Variants in SSPN observed in about 807,000 individuals in gnomAD.
The protein encoded by SSPN is sarcospan, also known as K-ras oncogene-associated protein.
In SSPN, 15 loss-of-function variants were observed where a neutral mutation model predicts 19.1. That is an observed-to-expected ratio of 0.78 (90% CI 0.52 to 1.21). The LOEUF (loss-of-function observed/expected upper bound fraction) is 1.21, where lower values mean the gene tolerates loss of function less well. Among genes scored for constraint, SSPN ranks in the 50% most tolerant of loss-of-function variants. The pLI is 0.00. For synonymous variants in SSPN, 147 were observed against 140.3 expected, an observed-to-expected ratio of 1.05 and a Z score of -0.34; for missense variants, 291 against 314.0, an observed-to-expected ratio of 0.93 and a Z score of 0.55.
At chr12:26,173,558 T>G (rs1378709132) in intron 1 of SSPN, among the ~76,000 whole-genome samples, 2 of 152,224 alleles carry the variant, frequency 1.3e-5, no homozygotes, top group Non-Finnish European at 2.9e-5. Context: ...TGCTTTCTCC[T>G]TACTCTTATA....
At chr12:26,160,700 G>C (rs1365453049) in intron 1 of SSPN, among the ~76,000 whole-genome samples, 1 of 152,098 alleles carries the variant, frequency 6.6e-6, no homozygotes, top group Non-Finnish European at 1.5e-5. Flanking sequence ...TATCTTGACT[G>C]CTACCACCCA....
chr12:26,196,059 T>C, intron 1 of SSPN, 108 bp downstream of exon 1: 1 of 960,870 alleles, frequency 1.0e-6, no homozygotes, highest in Admixed American at 4.1e-5. Context: ...CCGGGTTCAC[T>C]CTTCTAACTC....
intron 1 of SSPN, chr12:26,126,301 C>T (rs1944364142): frequency 1.3e-5 from 2 of 152,286 alleles, no homozygotes; most frequent in Non-Finnish European, 2.9e-5. Flanking sequence ...GAGGGACTCC[C>T]AGGGGTGGGA....
chr12:26,201,248 C>T (rs1211751211), intron 1 of SSPN, among the ~76,000 whole-genome samples: 1 of 150,730 alleles, frequency 6.6e-6, no homozygotes, highest in Non-Finnish European at 1.5e-5. Context: ...TGTGGTGGCA[C>T]CCACCTGTAG....
intron 1 of SSPN, among the ~76,000 whole-genome samples, chr12:26,200,756 A>G (rs7313425): frequency 0.99 from 151,112 of 151,950 alleles, 75,140 homozygotes; most frequent in Middle Eastern, 1. Context: ...TACATTATTC[A>G]TCATATTGGG....
At chr12:26,169,861 TC>T (rs1274261721) in intron 1 of SSPN, among the ~76,000 whole-genome samples, 5 of 152,218 alleles carry the variant, frequency 3.3e-5, no homozygotes, top group Non-Finnish European at 7.3e-5. Context: ...GATATTGGAC[TC>T]ATGCCTTCCT....
chr12:26,161,107 CAAAAAAAAAAA>C (rs35876807), intron 1 of SSPN, among the ~76,000 whole-genome samples: 1 of 97,936 alleles, frequency 1.0e-5, no homozygotes, highest in Non-Finnish European at 2.1e-5. Context: ...GACTCTGTCT[CAAAAAAAAAAA>C]AAAAAAAAAA....
At chr12:26,185,379 G>A (rs1407851954) in intron 1 of SSPN, among the ~76,000 whole-genome samples, 1 of 152,178 alleles carries the variant, frequency 6.6e-6, no homozygotes, top group African/African-American at 2.4e-5. Flanking sequence ...ACAGGCATGG[G>A]ATTCCTAAAC....
At chr12:26,208,715 A>C (rs1591882547) in intron 1 of SSPN, among the ~76,000 whole-genome samples, 1 of 152,058 alleles carries the variant, frequency 6.6e-6, no homozygotes, top group African/African-American at 2.4e-5. Context: ...GGGTATTCAT[A>C]TCTTTATTAT....
intron 1 of SSPN, among the ~76,000 whole-genome samples, chr12:26,137,822 C>G (rs551792015): frequency 1.3e-5 from 2 of 150,956 alleles, no homozygotes; most frequent in Non-Finnish European, 3.0e-5. Context: ...CCCACCACCA[C>G]GCCCGGCTAA....
intron 1 of SSPN, among the ~76,000 whole-genome samples, chr12:26,156,481 C>T (rs1415811641): frequency 6.6e-6 from 1 of 152,210 alleles, no homozygotes; most frequent in Non-Finnish European, 1.5e-5. Flanking sequence ...ATTAGCCTCA[C>T]ACCACCTGTT....
intron 1 of SSPN, among the ~76,000 whole-genome samples, chr12:26,159,205 G>A (rs919053620): frequency 1.3e-5 from 2 of 152,228 alleles, no homozygotes; most frequent in African/African-American, 4.8e-5. Context: ...GGGCTGAGAG[G>A]TGTGACCCTG....
At chr12:26,205,064 A>G (rs1944919400) in intron 1 of SSPN, among the ~76,000 whole-genome samples, 2 of 152,168 alleles carry the variant, frequency 1.3e-5, no homozygotes, top group Admixed American at 1.3e-4. Flanking sequence ...AAGTGACGGG[A>G]CGTTGGAAAG....
intron 2 of SSPN, among the ~76,000 whole-genome samples, chr12:26,228,289 C>G (rs975469160): frequency 3.3e-5 from 5 of 151,386 alleles, no homozygotes; most frequent in Non-Finnish European, 5.9e-5. Flanking sequence ...GTCCCAGTTA[C>G]TCAGGAGGCT....
At chr12:26,219,478 C>A (rs1211284742) in intron 1 of SSPN, among the ~76,000 whole-genome samples, 1 of 1,034 alleles carries the variant, frequency 9.7e-4, no homozygotes, top group Non-Finnish European at 0.028. Context: ...ACTCGCACAT[C>A]CACAAAAAAT....
At chr12:26,213,095 A>G (rs1015485567) in intron 1 of SSPN, among the ~76,000 whole-genome samples, 3 of 151,324 alleles carry the variant, frequency 2.0e-5, no homozygotes, top group African/African-American at 7.3e-5. Flanking sequence ...TGAGGATCTC[A>G]TATGGCCAGA....
At chr12:26,152,780 C>G (rs971750445) in intron 1 of SSPN, among the ~76,000 whole-genome samples, 3 of 152,184 alleles carry the variant, frequency 2.0e-5, no homozygotes, top group Non-Finnish European at 4.4e-5. Context: ...CATCTTAAAC[C>G]CTTCAACGTC....
chr12:26,194,879 C>T (rs888469105), upstream of SSPN, among the ~76,000 whole-genome samples: 1 of 152,084 alleles, frequency 6.6e-6, no homozygotes, highest in African/African-American at 2.4e-5. Context: ...TAGTCCCAGC[C>T]ACTTGGAGAC....
intron 1 of SSPN, among the ~76,000 whole-genome samples, chr12:26,199,148 G>T (rs1944856231): frequency 6.6e-6 from 1 of 152,194 alleles, no homozygotes; most frequent in African/African-American, 2.4e-5. Context: ...GGATATATGG[G>T]TAAATCCACT....
Sources: gnomAD v4.1 joint callset for allele counts (sites outside exome capture counted in the v4.1 genomes callset) on GRCh38, gnomAD v4.1.1 for gene constraint, MANE v1.5 for transcripts, NCBI Gene and HGNC (gene_info 2026-07-23, HGNC 2026-07-21) for gene names.